GRM8: variants seen among roughly 807,000 people sequenced by gnomAD.
GRM8 encodes the protein metabotropic glutamate receptor 8.
GRM8 carries 47 observed loss-of-function variants against 87.2 expected under a neutral mutation model. That is an observed-to-expected ratio of 0.54 (90% CI 0.43 to 0.69). The LOEUF (loss-of-function observed/expected upper bound fraction) is 0.69. Ranked by LOEUF, GRM8 falls within the 30% of genes least tolerant of loss-of-function variation. The probability of loss-of-function intolerance (pLI) is 0.00; values close to 1 mark genes in which losing one functional copy is unlikely to be tolerated. For synonymous variants in GRM8, 396 were observed against 404.5 expected (o/e 0.98, Z 0.25); for missense variants, 1,019 against 1,139.2 (o/e 0.89, Z 1.52).
rs62468898 is a variant in GRM8 at position 127,252,076 on chromosome 7, G to A, written c.-312+721C>T. On this transcript the variant is annotated intron_variant, in intron 1 of 10. Transcript: ENST00000339582. The surrounding 1 kb of genome is among the most constrained non-coding windows in gnomAD (Gnocchi z 4.9). The stretch of plus-strand genomic sequence containing the variant: ...GGCGGGGGTTACCCCGACTCATCCC[G>A]GAAGCCGCTAACTTCAGAAATCCCT... 0.024 allele frequency: 3,634 copies of A among 152,304 alleles called. 60 individuals are homozygous for A. The highest frequency in any genetic ancestry group is 0.031 in the Non-Finnish European group (2,127 of 68,068). 9.4% of individuals were successfully genotyped at this position (152,304 alleles called of 1,614,324 possible).
chr7:127,105,736 A>T (rs1370821593), intron 3 of GRM8, among the ~76,000 whole-genome samples: 1 of 152,238 alleles, frequency 6.6e-6, no homozygotes, highest in South Asian at 2.1e-4. Flanking sequence ...TAACAACAAC[A>T]TACTTAATTC....
chr7:126,520,095 G>C (rs994821481), intron 9 of GRM8, among the ~76,000 whole-genome samples: 1 of 151,910 alleles, frequency 6.6e-6, no homozygotes, highest in East Asian at 1.9e-4. Flanking sequence ...AAGGAGATTT[G>C]ACCTTGGAAA....
chr7:126,785,732 C>T (rs773002308), intron 6 of GRM8, among the ~76,000 whole-genome samples: 28 of 152,174 alleles, frequency 1.8e-4, no homozygotes, highest in South Asian at 4.1e-4. Context: ...AGAGCCACAA[C>T]GTGGAGATAG....
chr7:127,232,569 C>T (rs1269040944), intron 2 of GRM8, among the ~76,000 whole-genome samples: 1 of 152,006 alleles, frequency 6.6e-6, no homozygotes, highest in African/African-American at 2.4e-5. Flanking sequence ...TGTTTCTTGA[C>T]CAATGACTAT....
In GRM8 at chr7:127,141,476, C is replaced by T. The variant is rs1056021491; in HGVS notation, c.511-34764G>A. ...ATTAGAAAATGTACAGAAACAGGAT[C>T]CCCAGTCCTACTTCACAATGAACCT... is the stretch of plus-strand genomic sequence containing the variant. On this transcript the variant is annotated intron_variant, in intron 2 of 10. Coordinates refer to ENST00000339582, the MANE Select transcript of GRM8 (RefSeq NM_000845.3). 3.5e-4 allele frequency among the ~76,000 whole-genome samples: 53 copies of T among 152,112 alleles called. 1 individual carries two copies. Among genetic ancestry groups the T allele is most frequent in the African/African-American group, 1.2e-3 (49 of 41,424 alleles).
chr7:126,732,103 C>G (rs181367533), intron 7 of GRM8, among the ~76,000 whole-genome samples: 1 of 152,064 alleles, frequency 6.6e-6, no homozygotes, highest in Non-Finnish European at 1.5e-5. Flanking sequence ...GTAGTTATTT[C>G]TTGTATACAG....
At chr7:126,941,556 C>T (rs1393463781) in intron 3 of GRM8, among the ~76,000 whole-genome samples, 1 of 151,230 alleles carries the variant, frequency 6.6e-6, no homozygotes, top group Non-Finnish European at 1.5e-5. Flanking sequence ...GGAGGCGGAG[C>T]CTGCAGTGAG....
intron 7 of GRM8, among the ~76,000 whole-genome samples, chr7:126,757,986 A>C (rs2151564547): frequency 6.6e-6 from 1 of 152,320 alleles, no homozygotes; most frequent in East Asian, 1.9e-4. Flanking sequence ...AAGAAAGGGC[A>C]AACTAAAAAG....
chr7:126,994,293 C>T (rs1586700295), intron 3 of GRM8, among the ~76,000 whole-genome samples: 2 of 152,190 alleles, frequency 1.3e-5, no homozygotes, highest in Non-Finnish European at 2.9e-5. Flanking sequence ...GAATTCATCA[C>T]CTTCTGACTA....
At chr7:126,942,293 C>A (rs533915343) in intron 3 of GRM8, among the ~76,000 whole-genome samples, 219 of 152,302 alleles carry the variant, frequency 1.4e-3, no homozygotes, top group South Asian at 2.7e-3. Context: ...ACCTGGCAGG[C>A]CTACATGCTA....
intron 6 of GRM8, among the ~76,000 whole-genome samples, chr7:126,798,951 A>G (rs1026939984): frequency 6.6e-6 from 1 of 152,108 alleles, no homozygotes; most frequent in African/African-American, 2.4e-5. Flanking sequence ...CCAAGGCAGA[A>G]CCTAGGTAGC....
intron 7 of GRM8, among the ~76,000 whole-genome samples, chr7:126,723,119 T>G (rs1812605597): frequency 6.6e-6 from 1 of 151,396 alleles, no homozygotes; most frequent in Non-Finnish European, 1.5e-5. Context: ...TCACCTTATT[T>G]CCTCAGGAAG....
intron 2 of GRM8, among the ~76,000 whole-genome samples, chr7:127,188,036 C>A (rs1300554144): frequency 6.6e-6 from 1 of 152,132 alleles, no homozygotes; most frequent in Non-Finnish European, 1.5e-5. Flanking sequence ...TACTGAGTGC[C>A]TGCAATGGAA....
chr7:126,739,086 C>T (rs536723318), intron 7 of GRM8, among the ~76,000 whole-genome samples: 6 of 152,050 alleles, frequency 3.9e-5, no homozygotes, highest in South Asian at 4.2e-4. Context: ...GGCAGTGTGG[C>T]TGTAGTGTAG....
At chr7:127,138,768 C>T (rs1828092456) in intron 2 of GRM8, among the ~76,000 whole-genome samples, 1 of 152,106 alleles carries the variant, frequency 6.6e-6, no homozygotes, top group South Asian at 2.1e-4. Context: ...ACGAAAAGCA[C>T]TGAAGAGTAC....
intron 8 of GRM8, among the ~76,000 whole-genome samples, chr7:126,537,011 G>A (rs1457455369): frequency 6.6e-6 from 1 of 152,052 alleles, no homozygotes; most frequent in African/African-American, 2.4e-5. Flanking sequence ...CCTATACTCG[G>A]TAGGTTTCAT....
chr7:126,481,119 T>C (rs904224160), intron 9 of GRM8, among the ~76,000 whole-genome samples: 11 of 152,110 alleles, frequency 7.2e-5, no homozygotes, highest in East Asian at 3.9e-4. Flanking sequence ...TAAATACTTA[T>C]GTGTCCAAAC....
At chr7:127,022,088 C>CA (rs1278138256) in intron 3 of GRM8, among the ~76,000 whole-genome samples, 1 of 152,058 alleles carries the variant, frequency 6.6e-6, no homozygotes, top group East Asian at 1.9e-4. Flanking sequence ...GCCCAAACAT[C>CA]ATAGTAAGCC....
intron 7 of GRM8, among the ~76,000 whole-genome samples, chr7:126,715,086 G>C (rs1811574343): frequency 6.6e-6 from 1 of 152,092 alleles, no homozygotes; most frequent in Admixed American, 6.5e-5. Flanking sequence ...CTGTTTCTTG[G>C]GAGCACTTCA....
Sources: allele counts gnomAD v4.1 joint callset (sites outside exome capture counted in the v4.1 genomes callset), GRCh38; gene constraint gnomAD v4.1.1; non-coding constraint Gnocchi (gnomAD v3.1); transcripts MANE v1.5; gene names NCBI Gene and HGNC (gene_info 2026-07-23, HGNC 2026-07-21).